ASTN2: variants seen among roughly 807,000 people sequenced by gnomAD.
ASTN2 encodes the protein astrotactin 2.
Under a neutral mutation model 139.8 loss-of-function variants are expected in ASTN2, and 54 were observed. That is an observed-to-expected ratio of 0.39 (90% CI 0.31 to 0.48). The LOEUF (loss-of-function observed/expected upper bound fraction) is 0.48. ASTN2 is among the 20% of genes least tolerant of loss of function. The probability of loss-of-function intolerance (pLI) is 0.95; values close to 1 mark genes in which losing one functional copy is unlikely to be tolerated. For missense variants in ASTN2, 1,565 were observed against 1,725.1 expected (o/e 0.91, Z 1.64); for synonymous variants, 756 against 719.5 (o/e 1.05, Z -0.81).
intron 1 of ASTN2, among the ~76,000 whole-genome samples, chr9:117,411,969 C>T (rs1831173723): frequency 7.0e-6 from 1 of 142,762 alleles, no homozygotes; most frequent in Non-Finnish European, 1.5e-5. Context: ...ATAGTATCAG[C>T]CCCAACCCCA....
intron 14 of ASTN2, among the ~76,000 whole-genome samples, chr9:116,731,921 G>T (rs1828795806): frequency 6.6e-6 from 1 of 152,160 alleles, no homozygotes; most frequent in Non-Finnish European, 1.5e-5. Context: ...ACTCAGGAAG[G>T]ATATTATAGA....
At chr9:116,558,597 C>G (rs928365054) in intron 19 of ASTN2, among the ~76,000 whole-genome samples, 8 of 152,150 alleles carry the variant, frequency 5.3e-5, no homozygotes, top group African/African-American at 1.9e-4. Context: ...GAAGTAGACT[C>G]AAGCAGCCCA....
intron 3 of ASTN2, among the ~76,000 whole-genome samples, chr9:117,188,582 A>T (rs1350248683): frequency 2.0e-5 from 3 of 151,878 alleles, no homozygotes; most frequent in Non-Finnish European, 2.9e-5. Context: ...GTAGCTGGGA[A>T]CTCTTCAGAA....
At chr9:116,555,267 T>TC (rs1286033739) in intron 19 of ASTN2, among the ~76,000 whole-genome samples, 1 of 151,868 alleles carries the variant, frequency 6.6e-6, no homozygotes, top group Non-Finnish European at 1.5e-5. Context: ...TTCTTCGAGC[T>TC]CCCCCAGTCT....
At chr9:116,803,522 A>ATATTTTTT (rs1554748694) in intron 13 of ASTN2, among the ~76,000 whole-genome samples, 1 of 21,138 alleles carries the variant, frequency 4.7e-5, no homozygotes, top group Non-Finnish European at 8.0e-5. Context: ...ATATATATAT[A>ATATTTTTT]TTTTTTTTTT....
At chr9:116,765,542 G>C (rs1262250974) in intron 13 of ASTN2, among the ~76,000 whole-genome samples, 1 of 152,158 alleles carries the variant, frequency 6.6e-6, no homozygotes, top group Non-Finnish European at 1.5e-5. Context: ...AGACAAGTGT[G>C]CACAGCTGTA....
Position 117,343,991 on chromosome 9 carries a change from G to T in ASTN2, c.443-52478C>A, listed in dbSNP as rs555413433. ...GGGATGAAGGAGCTGGAAATACTCTGAAAATGTCACCCAAAGCATCTCTGT... is the reference window on the plus strand; with the variant it reads ...GGGATGAAGGAGCTGGAAATACTCTTAAAATGTCACCCAAAGCATCTCTGT... On this transcript the variant is annotated intron_variant, in intron 1 of 22. Transcript: ENST00000313400. Among the ~76,000 whole-genome samples, 374 of 152,230 alleles carry T rather than the reference G, an allele frequency of 2.5e-3. 1 individual carries two copies. Among genetic ancestry groups the T allele is most frequent in the African/African-American group, 8.3e-3 (346 of 41,568 alleles).
intron 2 of ASTN2, among the ~76,000 whole-genome samples, chr9:117,224,524 C>T (rs1832638670): frequency 1.3e-5 from 2 of 152,180 alleles, no homozygotes; most frequent in South Asian, 4.1e-4. Flanking sequence ...GATCCCTTCC[C>T]CTCTTTGGGG....
At chr9:117,282,431 T>C (rs909424004) in intron 2 of ASTN2, among the ~76,000 whole-genome samples, 5 of 152,220 alleles carry the variant, frequency 3.3e-5, no homozygotes, top group African/African-American at 1.2e-4. Context: ...AACTTTTCCA[T>C]CTGGGCTTTA....
chr9:116,480,167 A>AGGAAGGGAGGAAGG (rs1449049174), intron 20 of ASTN2, among the ~76,000 whole-genome samples: 12 of 151,908 alleles, frequency 7.9e-5, no homozygotes, highest in African/African-American at 2.7e-4. Flanking sequence ...AAAGGAAGGA[A>AGGAAGGGAGGAAGG]GGAAGGGAGG....
chr9:116,665,063 C>G (rs186910405), intron 16 of ASTN2, among the ~76,000 whole-genome samples: 4 of 152,148 alleles, frequency 2.6e-5, no homozygotes, highest in Non-Finnish European at 5.9e-5. Context: ...CTCCCTCTCT[C>G]TTGCCATGTG....
intron 10 of ASTN2, among the ~76,000 whole-genome samples, chr9:116,893,939 G>C (rs1833824460): frequency 1.3e-5 from 2 of 152,160 alleles, no homozygotes. Context: ...AACCCTGCTT[G>C]AGCATCCACA....
chr9:116,447,590 A>C (rs1343896489), intron 20 of ASTN2, among the ~76,000 whole-genome samples: 1 of 152,154 alleles, frequency 6.6e-6, no homozygotes, highest in Non-Finnish European at 1.5e-5. Flanking sequence ...GGGATCAGCC[A>C]ATTTGTTGTT....
At chr9:116,465,733 A>G (rs926780217) in intron 20 of ASTN2, among the ~76,000 whole-genome samples, 1 of 152,232 alleles carries the variant, frequency 6.6e-6, no homozygotes, top group Non-Finnish European at 1.5e-5. Context: ...GCAAACAAAC[A>G]CAAACCCACT....
chr9:117,185,287 T>C (rs973063244), intron 3 of ASTN2, among the ~76,000 whole-genome samples: 2 of 152,216 alleles, frequency 1.3e-5, no homozygotes, highest in Non-Finnish European at 2.9e-5. Flanking sequence ...AAATAATCTG[T>C]CACTTCCTGA....
At chr9:116,553,112 G>A (rs1056537521) in intron 19 of ASTN2, among the ~76,000 whole-genome samples, 16 of 152,104 alleles carry the variant, frequency 1.1e-4, no homozygotes, top group African/African-American at 3.9e-4. Context: ...CTCCTTAAGA[G>A]CAAGTTCCCC....
intron 19 of ASTN2, among the ~76,000 whole-genome samples, chr9:116,525,340 A>C (rs1010067068): frequency 2.6e-5 from 4 of 152,196 alleles, no homozygotes; most frequent in Non-Finnish European, 5.9e-5. Flanking sequence ...TGTGCTGTAG[A>C]TCATGCTCCT....
At chr9:117,004,333 C>A (rs1019966210) in intron 7 of ASTN2, among the ~76,000 whole-genome samples, 1 of 152,088 alleles carries the variant, frequency 6.6e-6, no homozygotes, top group Non-Finnish European at 1.5e-5. Context: ...GTTGCCCAGG[C>A]TGGTCTTGGA....
At chr9:117,261,755 A>C (rs1833827383) in intron 2 of ASTN2, among the ~76,000 whole-genome samples, 1 of 152,162 alleles carries the variant, frequency 6.6e-6, no homozygotes, top group Admixed American at 6.5e-5. Context: ...TTAGGATTTC[A>C]TGGTCCCATC....
Sources: gnomAD v4.1 joint callset for allele counts (sites outside exome capture counted in the v4.1 genomes callset) on GRCh38, gnomAD v4.1.1 for gene constraint, MANE v1.5 for transcripts, NCBI Gene and HGNC (gene_info 2026-07-23, HGNC 2026-07-21) for gene names.